The following SYNE2 variants were observed in gnomAD, a reference collection of about 807,000 sequenced individuals.
SYNE2 encodes spectrin repeat containing nuclear envelope protein 2, also known as nesprin-2.
Under a neutral mutation model 856.3 loss-of-function variants are expected in SYNE2, and 431 were observed. That is an observed-to-expected ratio of 0.50 (90% CI 0.47 to 0.55). The LOEUF (loss-of-function observed/expected upper bound fraction) is 0.55. SYNE2 is among the 20% of genes least tolerant of loss of function. The pLI is 0.00. For missense variants in SYNE2, 8,129 were observed against 8,023.2 expected, an observed-to-expected ratio of 1.01 and a Z score of -0.50; for synonymous variants, 2,923 against 2,872.3, an observed-to-expected ratio of 1.02 and a Z score of -0.56.
intron 1 of SYNE2, among the ~76,000 whole-genome samples, chr14:63,826,612 T>C (rs749756288): frequency 6.6e-6 from 1 of 152,072 alleles, no homozygotes; most frequent in Non-Finnish European, 1.5e-5. Context: ...CAATAGTTTT[T>C]TCAATGTATG....
At chr14:64,000,829 CACA>C in intron 28 of SYNE2, 110 bp downstream of exon 28, 2 of 1,002,772 alleles carry the variant, frequency 2.0e-6, no homozygotes, top group Non-Finnish European at 3.0e-6. Context: ...ATTTGGATGT[CACA>C]ACAACAGTAA....
At chr14:64,161,173 A>G (rs1447687155) in intron 87 of SYNE2, among the ~76,000 whole-genome samples, 1 of 152,040 alleles carries the variant, frequency 6.6e-6, no homozygotes. Flanking sequence ...GTGAAACCCC[A>G]TCTCTACAAA....
rs1342257701 is a variant in SYNE2, at chr14:64,026,651, G to A, written c.6325G>A (p.Ala2109Thr). The change falls in exon 42 of 116, where the codon GCC (alanine) becomes ACC (threonine). Residue 2109 changes from alanine (A) to threonine (T), a missense_variant. Ala to Thr is a moderately conservative substitution (Grantham distance 58). Transcript: ENST00000555002. ...CATGAAGCAGGCTGAGAGCAGCGAG[G>A]CCCCGCTGGTTCAGAAGACCCTCAC... ...TIMKQAESSE[A>T]PLVQKTLTDI... The A allele has an allele frequency of 3.1e-6, 5 of 1,613,438 alleles. No individual in the cohort carries two copies. The highest frequency in any genetic ancestry group is 3.3e-5 in the Admixed American group (2 of 59,938).
chr14:64,053,740 GC>G, intron 48 of SYNE2, 83 bp downstream of exon 48: 1 of 1,423,472 alleles, frequency 7.0e-7, no homozygotes, highest in Middle Eastern at 2.5e-4. Context: ...GCCAAGGCTG[GC>G]GGATCACTTG....
At chr14:64,122,191 G>C in intron 69 of SYNE2, 58 bp downstream of exon 69, 1 of 1,613,964 alleles carries the variant, frequency 6.2e-7, no homozygotes, top group South Asian at 1.1e-5. Context: ...GGAGAATTAA[G>C]AGTGTTTCTT....
At chr14:64,126,577 C>T (rs1313743527) in intron 72 of SYNE2, 21 bp from the exon 73 acceptor site, 6 of 1,614,070 alleles carry the variant, frequency 3.7e-6, no homozygotes, top group Non-Finnish European at 5.1e-6. Context: ...CATTCATTGT[C>T]TTCCTTCCTC....
At chr14:64,182,523 A>G (rs551913042) in intron 96 of SYNE2, among the ~76,000 whole-genome samples, 107 of 152,282 alleles carry the variant, frequency 7.0e-4, no homozygotes, top group East Asian at 1.4e-3. Context: ...TTTCCTAGGC[A>G]GAGGACCCTG....
In SYNE2 at chr14:64,226,428, G is replaced by A. The variant is rs2098718576; in HGVS notation, c.*902G>A. The A allele has an allele frequency of 6.6e-6, 1 of 152,638 alleles. No individual in the cohort carries two copies. Among genetic ancestry groups the A allele is most frequent in the Admixed American group, 6.5e-5 (1 of 15,296 alleles). The allele number at this position is 152,638 out of a possible 1,614,324, so 9.5% of individuals were successfully genotyped here. ...TGTTTCTCATTAAAAAACAAAATTA[G>A]CCAGACTTCTGTTGTACTGAATTCT... On this transcript the variant is annotated 3_prime_UTR_variant, in exon 116 of 116. Transcript: ENST00000555002.
chr14:64,213,723 G>A (rs1460865281), intron 105 of SYNE2, among the ~76,000 whole-genome samples: 11 of 152,046 alleles, frequency 7.2e-5, no homozygotes, highest in Non-Finnish European at 1.5e-4. Flanking sequence ...TGAAAGAGAC[G>A]TTATGACACA....
At chr14:64,131,203 T>C (rs2098016915) in intron 76 of SYNE2, among the ~76,000 whole-genome samples, 2 of 152,138 alleles carry the variant, frequency 1.3e-5, no homozygotes, top group Admixed American at 6.5e-5. Flanking sequence ...ATCTGCAGTG[T>C]GCTAGGCCCC....
At chr14:64,038,247 G>A (rs1274682221) in intron 45 of SYNE2, among the ~76,000 whole-genome samples, 12 of 150,394 alleles carry the variant, frequency 8.0e-5, no homozygotes, top group African/African-American at 2.2e-4. Context: ...ACAGGATGGC[G>A]GCCGGGAAGA....
intron 1 of SYNE2, among the ~76,000 whole-genome samples, chr14:63,784,263 C>T (rs1277884178): frequency 2.6e-5 from 4 of 151,128 alleles, no homozygotes; most frequent in Middle Eastern, 6.9e-3. Flanking sequence ...GAGGTTGAGG[C>T]GGGTGGATCA....
Position 64,128,566 on chromosome 14 carries a change from A to G in SYNE2, c.14019+13A>G, listed in dbSNP as rs2097974496. The G allele has an allele frequency of 6.6e-7, 1 of 1,520,088 alleles. No homozygotes were observed. Among genetic ancestry groups the G allele is most frequent in the Non-Finnish European group, 9.1e-7 (1 of 1,094,372 alleles). The allele number at this position is 1,520,088 out of a possible 1,614,324, so 94.2% of individuals were successfully genotyped here. On this transcript the variant is annotated intron_variant, in intron 74 of 115. Coordinates refer to ENST00000555002, the MANE Select transcript of SYNE2 (RefSeq NM_182914.3). ...TGAACAGCTTCAGGTAATCAAGTCA[A>G]AATAATTCAGACTGACTTAACTTTG...
At chr14:63,806,740 G>A (rs529424618) in intron 1 of SYNE2, among the ~76,000 whole-genome samples, 4 of 151,968 alleles carry the variant, frequency 2.6e-5, no homozygotes, top group East Asian at 3.9e-4. Flanking sequence ...TGGCTGTTCC[G>A]AAGTTCTTTT....
chr14:64,047,305 G>T (rs10135588), intron 45 of SYNE2, among the ~76,000 whole-genome samples: 145,546 of 152,152 alleles, frequency 0.96, 69,655 homozygotes, highest in African/African-American at 0.99. Context: ...GACTGGTTTG[G>T]AATTACGCAA....
At chr14:63,923,482 C>T (rs545273699) in intron 2 of SYNE2, among the ~76,000 whole-genome samples, 21 of 152,286 alleles carry the variant, frequency 1.4e-4, no homozygotes, top group African/African-American at 5.1e-4. Context: ...ACTCCTGCTC[C>T]CTCCTTCCCT....
chr14:63,926,485 T>G (rs2095667448), intron 2 of SYNE2, among the ~76,000 whole-genome samples: 1 of 152,210 alleles, frequency 6.6e-6, no homozygotes, highest in African/African-American at 2.4e-5. Flanking sequence ...GAATGCCATG[T>G]GGTCTCTCTT....
Position 64,096,894 on chromosome 14 carries a change from C to T in SYNE2, c.12109-1055C>T, listed in dbSNP as rs117011000. On this transcript the variant is annotated intron_variant, in intron 61 of 115. Transcript: ENST00000555002. ...CTGACAGCAAGAAAGGAAGACATAA[C>T]AAGGAAAGAATAGGGGTCTAAGGAA... Among the ~76,000 whole-genome samples the T allele has an allele frequency of 1.3e-3, 195 of 152,252 alleles. 3 individuals carry two copies. In the South Asian group the frequency reaches 0.021, roughly 16 times the overall value.
chr14:64,190,761 T>G, intron 99 of SYNE2: 1 of 655,852 alleles, frequency 1.5e-6, no homozygotes, highest in Non-Finnish European at 2.8e-6. Flanking sequence ...GGATGTGGAT[T>G]TGGGCGCAGC....
Sources: gnomAD v4.1 joint callset for allele counts (sites outside exome capture counted in the v4.1 genomes callset) on GRCh38, gnomAD v4.1.1 for gene constraint, MANE v1.5 for transcripts, NCBI Gene and HGNC (gene_info 2026-07-23, HGNC 2026-07-21) for gene names.